Variants in EFCAB6 observed in about 807,000 individuals in gnomAD.
EFCAB6 encodes EF-hand calcium binding domain 6, also known as EF-hand calcium-binding domain-containing protein 6.
A neutral mutation model predicts 169.8 loss-of-function variants in EFCAB6; 156 were observed. That is an observed-to-expected ratio of 0.92 (90% CI 0.81 to 1.05). EFCAB6 has a LOEUF of 1.05. Among genes scored for constraint, EFCAB6 ranks in the 50% least tolerant of loss-of-function variants. The pLI is 0.00. For synonymous variants in EFCAB6, 698 were observed against 676.4 expected, an observed-to-expected ratio of 1.03 and a Z score of -0.50; for missense variants, 1,800 against 1,829.1, an observed-to-expected ratio of 0.98 and a Z score of 0.29.
intron 10 of EFCAB6, among the ~76,000 whole-genome samples, chr22:43,692,282 G>GA (rs1447534699): frequency 6.6e-6 from 1 of 151,964 alleles, no homozygotes; most frequent in Non-Finnish European, 1.5e-5. Flanking sequence ...ACATTCATTA[G>GA]AAAAAAATAA....
intron 31 of EFCAB6, among the ~76,000 whole-genome samples, chr22:43,530,143 C>T (rs2046971417): frequency 6.6e-6 from 1 of 152,226 alleles, no homozygotes; most frequent in South Asian, 2.1e-4. Context: ...TCTTTTGCCA[C>T]CTTCCCAGCA....
At chr22:43,606,326 C>T (rs1192949761) in intron 22 of EFCAB6, among the ~76,000 whole-genome samples, 3 of 152,194 alleles carry the variant, frequency 2.0e-5, no homozygotes, top group African/African-American at 4.8e-5. Context: ...GTGTCTTTGG[C>T]GATGAGCTCT....
At chr22:43,588,965 T>C (rs544945139) in intron 24 of EFCAB6, among the ~76,000 whole-genome samples, 14 of 152,216 alleles carry the variant, frequency 9.2e-5, no homozygotes, top group Admixed American at 6.5e-4. Context: ...GTAAGTTTTC[T>C]TGTGTTTCCA....
intron 26 of EFCAB6, among the ~76,000 whole-genome samples, 185 bp downstream of exon 26, chr22:43,576,112 T>C (rs913648272): frequency 8.5e-5 from 13 of 152,180 alleles, no homozygotes; most frequent in Non-Finnish European, 1.5e-4. Context: ...TCCAACAAAG[T>C]AAAGGATGCA....
At position 43,591,113 on chromosome 22, in the gene EFCAB6, T is replaced by G. The variant is rs531969326; in HGVS notation, c.2877-884A>C. ...GTTGTTGTTGTTTTTTGTTTTTTGT[T>G]TTTTTTTTTTGTTTTTTTTTTGTTT... On this transcript the variant is annotated intron_variant, in intron 23 of 31. Coordinates refer to ENST00000262726, the MANE Select transcript of EFCAB6 (RefSeq NM_022785.4). Among the ~76,000 whole-genome samples, 61 of 38,354 alleles carry G rather than the reference T, an allele frequency of 1.6e-3. 2 individuals are homozygous for G. In the East Asian group the frequency reaches 0.062, roughly 39 times the overall value. 25.2% of individuals were successfully genotyped at this position (38,354 alleles called of 152,430 possible). A position where few individuals can be genotyped will look rare whatever the true frequency, so the allele number is the denominator to read the frequency against.
chr22:43,774,602 G>A (rs1293240567), intron 3 of EFCAB6, among the ~76,000 whole-genome samples: 2 of 151,846 alleles, frequency 1.3e-5, no homozygotes, highest in African/African-American at 4.8e-5. Flanking sequence ...GGATGCGGCG[G>A]TCCAGTGTGG....
At chr22:43,595,734 GC>G (rs1569219222) in intron 23 of EFCAB6, among the ~76,000 whole-genome samples, 2 of 152,018 alleles carry the variant, frequency 1.3e-5, no homozygotes, top group African/African-American at 4.8e-5. Context: ...GGGAATACTT[GC>G]AAACTTATTC....
chr22:43,709,474 A>T (rs1314166507), intron 10 of EFCAB6, among the ~76,000 whole-genome samples: 1 of 152,236 alleles, frequency 6.6e-6, no homozygotes, highest in East Asian at 1.9e-4. Context: ...ATTCATTACA[A>T]TTATAATTTT....
intron 3 of EFCAB6, among the ~76,000 whole-genome samples, chr22:43,779,462 C>T (rs1413477169): frequency 6.6e-6 from 1 of 152,144 alleles, no homozygotes; most frequent in Non-Finnish European, 1.5e-5. Context: ...TAAAAAAATG[C>T]CGGGCACGGT....
chr22:43,656,193 C>T (rs1239895809), intron 17 of EFCAB6, among the ~76,000 whole-genome samples: 3 of 152,008 alleles, frequency 2.0e-5, no homozygotes, highest in Non-Finnish European at 4.4e-5. Context: ...GAGTTTGATA[C>T]CACCCTGACC....
chr22:43,629,538 G>C (rs1201493562), intron 19 of EFCAB6, among the ~76,000 whole-genome samples: 1 of 152,212 alleles, frequency 6.6e-6, no homozygotes, highest in Non-Finnish European at 1.5e-5. Flanking sequence ...GGCAGGCACT[G>C]TGGCAGCCCC....
At chr22:43,741,481 T>G (rs1482595314) in intron 6 of EFCAB6, among the ~76,000 whole-genome samples, 1 of 152,210 alleles carries the variant, frequency 6.6e-6, no homozygotes, top group Non-Finnish European at 1.5e-5. Flanking sequence ...AAAGCGCGCC[T>G]TCATACTCTG....
chr22:43,579,103 C>A (rs1384166298), intron 25 of EFCAB6, among the ~76,000 whole-genome samples: 1 of 149,912 alleles, frequency 6.7e-6, no homozygotes, highest in Non-Finnish European at 1.5e-5. Flanking sequence ...TCATTGTCTA[C>A]ATGCAAGCAT....
chr22:43,569,240 T>C (rs1307042339), intron 26 of EFCAB6, among the ~76,000 whole-genome samples: 2 of 152,206 alleles, frequency 1.3e-5, no homozygotes, highest in African/African-American at 4.8e-5. Context: ...GGGAGAAAGT[T>C]TGAACAACAA....
At chr22:43,548,613 C>T (rs1008092612) in intron 27 of EFCAB6, among the ~76,000 whole-genome samples, 16 of 135,906 alleles carry the variant, frequency 1.2e-4, no homozygotes, top group African/African-American at 3.0e-4. Flanking sequence ...AATATGCATA[C>T]GTTTAATTTA....
At chr22:43,796,169 C>A (rs1040393754) in intron 2 of EFCAB6, among the ~76,000 whole-genome samples, 2 of 152,140 alleles carry the variant, frequency 1.3e-5, no homozygotes, top group African/African-American at 4.8e-5. Flanking sequence ...ATTCCTCACT[C>A]ATCCCTCTAC....
rs941267510 is a variant in EFCAB6, at chr22:43,773,181, GAACC to G, written c.140-82_140-79del. On this transcript the variant is annotated intron_variant, in intron 3 of 31. Coordinates refer to ENST00000262726, the MANE Select transcript of EFCAB6 (RefSeq NM_022785.4). The stretch of plus-strand genomic sequence containing the variant: ...ACAGAAACTCTTGCACTGTTGAACG[GAACC>G]AAGAAAACTTATTAGATGGTATTTC... 1.7e-5 allele frequency: 24 copies of G among 1,430,340 alleles called. No individual in the cohort carries two copies. In the African/African-American group the frequency reaches 3.4e-4, roughly 20 times the overall value. The allele number at this position is 1,430,340 out of a possible 1,614,324, so 88.6% of individuals were successfully genotyped here. A position where few individuals can be genotyped will look rare whatever the true frequency, so the allele number is the denominator to read the frequency against.
At chr22:43,682,024 G>A (rs1015504548) in intron 12 of EFCAB6, among the ~76,000 whole-genome samples, 1 of 152,182 alleles carries the variant, frequency 6.6e-6, no homozygotes, top group Admixed American at 6.5e-5. Flanking sequence ...CTCTATAGCA[G>A]GAGAGAGATT....
chr22:43,788,744 A>G (rs964386576), intron 2 of EFCAB6, among the ~76,000 whole-genome samples: 1 of 152,252 alleles, frequency 6.6e-6, no homozygotes, highest in African/African-American at 2.4e-5. Context: ...ACCCAAGGGA[A>G]CTGAAAACAT....
Sources: allele counts gnomAD v4.1 joint callset (sites outside exome capture counted in the v4.1 genomes callset), GRCh38; gene constraint gnomAD v4.1.1; transcripts MANE v1.5; gene names NCBI Gene and HGNC (gene_info 2026-07-23, HGNC 2026-07-21).